The following TRAPPC11 variants were observed in gnomAD, a reference collection of about 807,000 sequenced individuals.
The protein encoded by TRAPPC11 is trafficking protein particle complex subunit 11, also known as foie gras homolog.
Under a neutral mutation model 151.2 loss-of-function variants are expected in TRAPPC11, and 104 were observed. The observed-to-expected ratio is 0.69, with a 90% confidence interval of 0.59 to 0.81. TRAPPC11 has a LOEUF of 0.81. TRAPPC11 is among the 30% of genes least tolerant of loss of function. TRAPPC11 has a pLI of 0.00. For missense variants in TRAPPC11, 1,230 were observed against 1,349.6 expected, an observed-to-expected ratio of 0.91 and a Z score of 1.39; for synonymous variants, 456 against 472.3, an observed-to-expected ratio of 0.97 and a Z score of 0.45.
At chr4:183,674,663 G>T in intron 5 of TRAPPC11, 50 bp from the exon 6 acceptor site, 1 of 1,113,436 alleles carries the variant, frequency 9.0e-7, no homozygotes. Context: ...GAAAAGTTTG[G>T]TTTAAAATAA....
chr4:183,693,906 A>G lies in TRAPPC11; in HGVS notation c.2387-11A>G, dbSNP rs925500234. ...TTCTTTGTTTTGAAGAACCAATATT[A>G]ACTCTTTTAGGACAGGATGCCAATT... On this transcript the variant is annotated splice_polypyrimidine_tract_variant and intron_variant, in intron 21 of 29. Coordinates refer to ENST00000334690, the MANE Select transcript of TRAPPC11 (RefSeq NM_021942.6). 1.2e-6 allele frequency: 2 copies of G among 1,611,598 alleles called. No individual in the cohort carries two copies. The highest frequency in any genetic ancestry group is 1.7e-5 in the Admixed American group (1 of 59,888).
intron 23 of TRAPPC11, among the ~76,000 whole-genome samples, chr4:183,695,216 C>T (rs1022173475): frequency 6.6e-6 from 1 of 152,060 alleles, no homozygotes; most frequent in African/African-American, 2.4e-5. Context: ...TCCCAAAGTG[C>T]TGGGATTACA....
chr4:183,687,136 G>A (rs1033968230), intron 18 of TRAPPC11, among the ~76,000 whole-genome samples: 4 of 152,086 alleles, frequency 2.6e-5, no homozygotes, highest in East Asian at 1.9e-4. Flanking sequence ...AGCTGAGATC[G>A]TGCCACTGCA....
intron 23 of TRAPPC11, 95 bp downstream of exon 23, chr4:183,694,818 AGTTTAGGTG>A: frequency 1.6e-6 from 2 of 1,225,604 alleles, no homozygotes; most frequent in Non-Finnish European, 2.3e-6. Context: ...TAAAATAAGC[AGTTTAGGTG>A]CTTATAGTCT....
At position 183,705,066 on chromosome 4, in the gene TRAPPC11, T is replaced by C; in HGVS notation, c.3051T>C (p.Asn1017=). ...VIVENIPLHV[N]ADLPSFGRVR... The stretch of plus-strand genomic sequence containing the variant: ...TGGAGAATATCCCTCTCCATGTGAA[T>C]GCAGGTAGCGGAATTCAAATTTTAC... The change falls in exon 27 of 30, where the codon AAT becomes AAC. Residue 1017 remains asparagine (N), a synonymous_variant. Transcript: ENST00000334690. 1.3e-6 allele frequency: 2 copies of C among 1,584,126 alleles called. No individual in the cohort carries two copies. The highest frequency in any genetic ancestry group is 1.3e-5 in the African/African-American group (1 of 74,840).
rs2111078808 is a variant in TRAPPC11, at chr4:183,697,762, T to A, written c.2778T>A (p.Thr926=). The change falls in exon 25 of 30, where the codon ACT becomes ACA. Residue 926 remains threonine (T), a synonymous_variant. Coordinates refer to ENST00000334690, the MANE Select transcript of TRAPPC11 (RefSeq NM_021942.6). ...DLLSASPWAL[T]IVSSELQLAP... ...TAAGTGCCTCACCCTGGGCCCTCACTATTGTTTCCAGTGAGCTCCAGCTTG... is the reference window on the plus strand; with the variant it reads ...TAAGTGCCTCACCCTGGGCCCTCACAATTGTTTCCAGTGAGCTCCAGCTTG... The A allele has an allele frequency of 1.9e-6, 3 of 1,614,148 alleles. No homozygotes were observed. Among genetic ancestry groups the A allele is most frequent in the Non-Finnish European group, 2.5e-6 (3 of 1,180,038 alleles).
At chr4:183,679,255 G>A in intron 8 of TRAPPC11, 98 bp from the exon 9 acceptor site, 2 of 1,210,404 alleles carry the variant, frequency 1.7e-6, no homozygotes, top group Admixed American at 3.4e-5. Flanking sequence ...AAATTTCATT[G>A]TCTTTTTCTA....
intron 5 of TRAPPC11, among the ~76,000 whole-genome samples, chr4:183,669,923 A>G (rs1483348130): frequency 1.3e-5 from 2 of 152,252 alleles, no homozygotes; most frequent in Admixed American, 1.3e-4. Context: ...AAACATTTCA[A>G]TAAGGAGTAC....
At chr4:183,710,292 T>A (rs1311916393) in intron 29 of TRAPPC11, among the ~76,000 whole-genome samples, 14 of 45,666 alleles carry the variant, frequency 3.1e-4, no homozygotes, top group East Asian at 8.6e-4. Context: ...AAAATAAACT[T>A]TTTTTTTTTT....
intron 25 of TRAPPC11, chr4:183,701,479 T>C (rs551820477): frequency 1.3e-5 from 6 of 466,972 alleles, no homozygotes; most frequent in East Asian, 7.0e-5. Context: ...AGATGCCTCA[T>C]TGGATTTTAC....
chr4:183,704,391 C>A (rs546064387), intron 26 of TRAPPC11, among the ~76,000 whole-genome samples: 2 of 151,894 alleles, frequency 1.3e-5, no homozygotes, highest in South Asian at 4.2e-4. Context: ...CGTGGCTTCA[C>A]GCGCCTGTAA....
intron 5 of TRAPPC11, 61 bp from the exon 6 acceptor site, chr4:183,674,652 T>C: frequency 2.1e-6 from 2 of 943,754 alleles, no homozygotes; most frequent in South Asian, 3.8e-5. Flanking sequence ...CAAATATTCT[T>C]GAAAAGTTTG....
intron 9 of TRAPPC11, 126 bp downstream of exon 9, chr4:183,679,612 G>T: frequency 3.0e-6 from 2 of 670,286 alleles, no homozygotes; most frequent in Non-Finnish European, 4.8e-6. Context: ...TGATGATGTA[G>T]CATAAGTATG....
chr4:183,686,897 A>G lies in TRAPPC11; in HGVS notation c.1893+149A>G, dbSNP rs1050071145. ...AAGGTCTATTCAAAAATATATCTCCAGGGCCGGGCACAGTGGCTCACGCCT... is the reference window on the plus strand; with the variant it reads ...AAGGTCTATTCAAAAATATATCTCCGGGGCCGGGCACAGTGGCTCACGCCT... On this transcript the variant is annotated intron_variant, in intron 18 of 29. Transcript: ENST00000334690. The G allele has an allele frequency of 4.4e-6, 4 of 918,608 alleles. No individual in the cohort carries two copies. In the African/African-American group the frequency reaches 6.7e-5, roughly 15 times the overall value. 56.9% of individuals were successfully genotyped at this position (918,608 alleles called of 1,614,324 possible).
At chr4:183,675,931 C>T (rs1034387891) in intron 7 of TRAPPC11, among the ~76,000 whole-genome samples, 1 of 152,140 alleles carries the variant, frequency 6.6e-6, no homozygotes, top group African/African-American at 2.4e-5. Context: ...CTCTTTGTAG[C>T]TTTAACTCAC....
chr4:183,668,145 T>G, intron 5 of TRAPPC11, 28 bp downstream of exon 5: 2 of 1,342,600 alleles, frequency 1.5e-6, no homozygotes, highest in Non-Finnish European at 2.1e-6. Context: ...AAAGTTTTGT[T>G]TTTTTAGATT....
At chr4:183,707,458 A>G (rs1039316736) in intron 28 of TRAPPC11, among the ~76,000 whole-genome samples, 4 of 152,172 alleles carry the variant, frequency 2.6e-5, no homozygotes, top group African/African-American at 9.7e-5. Context: ...TCAGGTTGGA[A>G]AAGTTCATCA....
At chr4:183,674,851 GGATT>G (rs1473105613) in intron 6 of TRAPPC11, 39 bp downstream of exon 6, 6 of 1,205,464 alleles carry the variant, frequency 5.0e-6, no homozygotes. Context: ...ATTCTGGAGC[GGATT>G]ATTATTATTT....
intron 10 of TRAPPC11, among the ~76,000 whole-genome samples, chr4:183,682,129 T>C (rs1735730383): frequency 6.6e-6 from 1 of 152,250 alleles, no homozygotes; most frequent in African/African-American, 2.4e-5. Context: ...ATGTGAAATC[T>C]GGAAGAATGA....
Sources: allele counts gnomAD v4.1 joint callset (sites outside exome capture counted in the v4.1 genomes callset), GRCh38; gene constraint gnomAD v4.1.1; transcripts MANE v1.5; gene names NCBI Gene and HGNC (gene_info 2026-07-23, HGNC 2026-07-21).